PICK1: variants seen among roughly 807,000 people sequenced by gnomAD.
The protein encoded by PICK1 is protein interacting with PRKCA 1.
Under a neutral mutation model 48.9 loss-of-function variants are expected in PICK1, and 23 were observed. That is an observed-to-expected ratio of 0.47 (90% confidence interval 0.34 to 0.67). The LOEUF is 0.67. Among genes scored for constraint, PICK1 ranks in the 30% least tolerant of loss-of-function variants. The pLI, the probability that PICK1 is intolerant of heterozygous loss-of-function variation, is 0.01. For missense variants in PICK1, 423 were observed against 557.1 expected (o/e 0.76, Z 2.42); for synonymous variants, 217 against 228.2 (o/e 0.95, Z 0.44).
At chr22:38,060,034 A>T (rs1339273917) in intron 3 of PICK1, among the ~76,000 whole-genome samples, 1 of 152,206 alleles carries the variant, frequency 6.6e-6, no homozygotes, top group Non-Finnish European at 1.5e-5. Context: ...CAACATGGTG[A>T]AACCCCGTCT....
intron 4 of PICK1, 105 bp from the exon 5 acceptor site, chr22:38,067,599 G>T: frequency 1.0e-6 from 1 of 990,108 alleles, no homozygotes; most frequent in Non-Finnish European, 1.6e-6. Context: ...GTGAGCCACC[G>T]CACCCGGCCT....
intron 3 of PICK1, among the ~76,000 whole-genome samples, chr22:38,062,250 C>CTT (rs58816852): frequency 1.5e-5 from 2 of 133,722 alleles, no homozygotes; most frequent in East Asian, 2.1e-4. Flanking sequence ...AATTTCCCAT[C>CTT]TTTTTTTTTT....
intron 5 of PICK1, chr22:38,068,219 A>C: frequency 2.3e-6 from 1 of 437,946 alleles, no homozygotes; most frequent in South Asian, 1.6e-5. Context: ...TCTGGATCTG[A>C]ACTGGACCTC....
chr22:38,061,713 G>A (rs986361392), intron 3 of PICK1, among the ~76,000 whole-genome samples: 1 of 152,096 alleles, frequency 6.6e-6, no homozygotes, highest in African/African-American at 2.4e-5. Context: ...TAGAGACGGT[G>A]TTTTGCCATG....
chr22:38,065,364 C>A, intron 4 of PICK1: 1 of 507,460 alleles, frequency 2.0e-6, no homozygotes, highest in Non-Finnish European at 3.7e-6. Context: ...GAGTGGGCAG[C>A]AAGACCACAA....
At position 38,066,285 on chromosome 22, in the gene PICK1, GGGGTCTCGTTCT is replaced by G. The variant is rs2085522350; in HGVS notation, c.282+1158_282+1169del. On this transcript the variant is annotated intron_variant, in intron 4 of 12. Transcript: ENST00000356976. This position sits in a 1 kb window ranked among gnomAD's most constrained non-coding sequence, Gnocchi z 4.1. ...GAGCTGATCATGGGAACAGGTGCAG[GGGGTCTCGTTCT>G]GGCCGAGTTGGGTTGTGTGTGCCCC... Among the ~76,000 whole-genome samples, 2 of 152,158 alleles carry G rather than the reference GGGGTCTCGTTCT, an allele frequency of 1.3e-5. No homozygotes were observed. Among genetic ancestry groups the G allele is most frequent in the South Asian group, 4.1e-4 (2 of 4,828 alleles).
intron 6 of PICK1, among the ~76,000 whole-genome samples, chr22:38,069,382 G>A (rs1278307854): frequency 5.3e-5 from 8 of 152,158 alleles, no homozygotes; most frequent in Admixed American, 5.2e-4. Flanking sequence ...GTGGGGAGGT[G>A]CCTCTGCCCC....
At chr22:38,069,884 C>G (rs1417767579) in intron 6 of PICK1, among the ~76,000 whole-genome samples, 2 of 152,314 alleles carry the variant, frequency 1.3e-5, no homozygotes, top group South Asian at 2.1e-4. Flanking sequence ...TTTTTCCCCC[C>G]AAACCTTGCA....
At chr22:38,058,647 A>G (rs1422899154) in intron 2 of PICK1, among the ~76,000 whole-genome samples, 1 of 152,128 alleles carries the variant, frequency 6.6e-6, no homozygotes, top group African/African-American at 2.4e-5. Context: ...AAGAACTCTG[A>G]TAAGGGTGCT....
chr22:38,059,315 C>T lies in PICK1; in HGVS notation c.123C>T (p.Ala41=). 6.4e-7 allele frequency: 1 copy of T among 1,565,458 alleles called. No individual in the cohort carries two copies. Among genetic ancestry groups the T allele is most frequent in the Admixed American group, 1.9e-5 (1 of 53,254 alleles). The change falls in exon 3 of 13, where the codon GCC becomes GCT. Residue 41 remains alanine, a synonymous_variant. Coordinates refer to ENST00000356976, the MANE Select transcript of PICK1 (RefSeq NM_012407.4). ...NLIGISIGGG[A]QYCPCLYIVQ... ...TCGGGATCAGCATTGGAGGAGGGGC[C>T]CAGTACTGTCCCTGCCTCTATATCG...
intron 2 of PICK1, 45 bp from the exon 3 acceptor site, chr22:38,059,189 C>A: frequency 7.0e-7 from 1 of 1,433,676 alleles, no homozygotes; most frequent in South Asian, 1.2e-5. Context: ...CCGCTCCAGT[C>A]ATCCTTCTGC....
rs867650759 is a variant in PICK1 at position 38,069,138 on chromosome 22, C to A, written c.439+16C>A. On this transcript the variant is annotated intron_variant, in intron 6 of 12. Coordinates refer to ENST00000356976, the MANE Select transcript of PICK1 (RefSeq NM_012407.4). ...CTGTGCAATGGTGAGTCCCTTCCCA[C>A]CCAGCTGGGGCCCCGGGGACTCAAG... 6.3e-7 allele frequency: 1 copy of A among 1,584,980 alleles called. No homozygotes were observed. The highest frequency in any genetic ancestry group is 1.3e-5 in the African/African-American group (1 of 74,250).
At chr22:38,065,851 T>C (rs1031893763) in intron 4 of PICK1, among the ~76,000 whole-genome samples, 1 of 152,040 alleles carries the variant, frequency 6.6e-6, no homozygotes, top group East Asian at 1.9e-4. Flanking sequence ...TGCACAGCCA[T>C]GGGGTGATTT....
chr22:38,058,180 G>A, intron 2 of PICK1: 1 of 410,612 alleles, frequency 2.4e-6, no homozygotes, highest in South Asian at 2.5e-5. Flanking sequence ...AGGTTGAATA[G>A]GAATATTGTA....
intron 7 of PICK1, among the ~76,000 whole-genome samples, 197 bp from the exon 8 acceptor site, chr22:38,071,485 C>T (rs2085690451): frequency 1.3e-5 from 2 of 152,226 alleles, no homozygotes; most frequent in South Asian, 4.1e-4. Flanking sequence ...AATGCTGGCG[C>T]CCCTGTCTGA....
chr22:38,074,015 C>T lies in PICK1; in HGVS notation c.834+192C>T, dbSNP rs2145884768. 2 of 658,712 alleles carry T rather than the reference C, an allele frequency of 3.0e-6. No individual in the cohort carries two copies. Among genetic ancestry groups the T allele is most frequent in the East Asian group, 5.4e-5 (2 of 36,804 alleles). 40.8% of individuals were successfully genotyped at this position (658,712 alleles called of 1,614,324 possible). A position where few individuals can be genotyped will look rare whatever the true frequency, so the allele number is the denominator to read the frequency against. ...TGGGCACCCGGCCGGGAACCACTCCCTCAGTCTGGGGGACTCTTGGAGGGA... is the reference window on the plus strand; with the variant it reads ...TGGGCACCCGGCCGGGAACCACTCCTTCAGTCTGGGGGACTCTTGGAGGGA... On this transcript the variant is annotated intron_variant, in intron 11 of 12. Transcript: ENST00000356976. The surrounding 1 kb of genome is among the most constrained non-coding windows in gnomAD (Gnocchi z 4.5).
At chr22:38,072,848 T>A (rs1287745290) in intron 9 of PICK1, 152 bp from the exon 10 acceptor site, 5 of 824,528 alleles carry the variant, frequency 6.1e-6, no homozygotes, top group Non-Finnish European at 1.1e-5. Flanking sequence ...CTGGCACTAG[T>A]CTTCTCATCC....
rs1394100412 is a variant in PICK1, at chr22:38,075,083, G to C, written c.1199G>C (p.Arg400Pro). 7 of 1,612,786 alleles carry C rather than the reference G, an allele frequency of 4.3e-6. No homozygotes were observed. The East Asian group carries it at 6.7e-5, about 15-fold the overall frequency. The change falls in exon 13 of 13, where the codon CGA becomes CCA. Residue 400 changes from arginine to proline, a missense_variant. Around this residue, in one of 2 missense-constraint regions of PICK1, gnomAD observed 144 missense variants for 139.3 expected, o/e 1.03. Transcript: ENST00000356976. ...TAAGEPSRDT[R>P]GAAGPLDKGG... ...GCTGGGGAGCCGTCCAGGGATACAC[G>C]AGGGGCTGCTGGGCCCTTGGACAAG...
At chr22:38,070,342 A>G (rs1485632935) in intron 6 of PICK1, among the ~76,000 whole-genome samples, 1 of 152,242 alleles carries the variant, frequency 6.6e-6, no homozygotes, top group Non-Finnish European at 1.5e-5. Flanking sequence ...TGAGCCTGAC[A>G]TGGTGGCTGG....
Sources: gnomAD v4.1 joint callset for allele counts (sites outside exome capture counted in the v4.1 genomes callset) on GRCh38, gnomAD v4.1.1 for gene constraint, gnomAD v4.1.1 regional missense constraint, Gnocchi (gnomAD v3.1) non-coding constraint, MANE v1.5 for transcripts, NCBI Gene and HGNC (gene_info 2026-07-23, HGNC 2026-07-21) for gene names.